PHF24: variants seen among roughly 807,000 people sequenced by gnomAD.
The protein encoded by PHF24 is PHD finger protein 24.
PHF24 carries 25 observed loss-of-function variants against 42.6 expected under a neutral mutation model. The ratio of observed to expected loss-of-function variants is 0.59; its 90% CI spans 0.43 to 0.82. PHF24 has a LOEUF of 0.82. PHF24 is among the 40% of genes least tolerant of loss of function. The pLI is 0.00. For missense variants in PHF24, 470 were observed against 538.1 expected, an observed-to-expected ratio of 0.87 and a Z score of 1.25; for synonymous variants, 185 against 204.8, an observed-to-expected ratio of 0.90 and a Z score of 0.83.
At chr9:34,859,027 A>C in the PHF24 span, among the ~76,000 whole-genome samples, 2 of 152,152 alleles carry the variant, frequency 1.3e-5, no homozygotes, top group African/African-American at 4.8e-5. Context: ...TAAAAGTTGA[A>C]GGTTTCTAAG....
At chr9:34,706,343 A>G in the PHF24 span, among the ~76,000 whole-genome samples, 2 of 152,218 alleles carry the variant, frequency 1.3e-5, no homozygotes, top group Non-Finnish European at 2.9e-5. Flanking sequence ...TCATCTGGTA[A>G]TGTTTAAAAT....
At chr9:34,948,418 C>T in the PHF24 span, among the ~76,000 whole-genome samples, 1 of 152,300 alleles carries the variant, frequency 6.6e-6, no homozygotes, top group South Asian at 2.1e-4. Flanking sequence ...CTCACTGACA[C>T]CCAGAGCAAT....
the PHF24 span, among the ~76,000 whole-genome samples, chr9:34,781,356 AATATTATATG>A: frequency 6.6e-6 from 1 of 152,232 alleles, no homozygotes; most frequent in Non-Finnish European, 1.5e-5. Flanking sequence ...AAAAAGGACA[AATATTATATG>A]ATTTCATTTG....
At chr9:34,876,031 G>A in the PHF24 span, among the ~76,000 whole-genome samples, 1 of 148,462 alleles carries the variant, frequency 6.7e-6, no homozygotes, top group East Asian at 2.0e-4. Flanking sequence ...TAGGTCCATG[G>A]ACTTTTAAAA....
the PHF24 span, chr9:34,895,746 C>G: frequency 1.2e-5 from 5 of 402,730 alleles, no homozygotes; most frequent in Non-Finnish European, 2.2e-5. Flanking sequence ...CTAGCCATCC[C>G]TCTCCCTAGT....
chr9:34,836,651 G>A, the PHF24 span, among the ~76,000 whole-genome samples: 2 of 152,146 alleles, frequency 1.3e-5, no homozygotes, highest in East Asian at 3.8e-4. Flanking sequence ...CTTGAATACA[G>A]AACTAAAGGA....
At chr9:34,870,963 C>A in the PHF24 span, among the ~76,000 whole-genome samples, 2 of 152,124 alleles carry the variant, frequency 1.3e-5, no homozygotes, top group South Asian at 4.1e-4. Flanking sequence ...TGGATAAATA[C>A]AAAGAAGCTC....
chr9:34,903,651 C>A, the PHF24 span, among the ~76,000 whole-genome samples: 1 of 152,264 alleles, frequency 6.6e-6, no homozygotes, highest in Non-Finnish European at 1.5e-5. Flanking sequence ...CCAGTGTCAT[C>A]CTGGTACACA....
the PHF24 span, among the ~76,000 whole-genome samples, chr9:34,899,924 C>A: frequency 3.3e-5 from 5 of 152,152 alleles, no homozygotes; most frequent in Non-Finnish European, 7.3e-5. Flanking sequence ...ATCGGAATCT[C>A]TAGATGCAGA....
the PHF24 span, among the ~76,000 whole-genome samples, chr9:34,887,086 T>C: frequency 6.6e-6 from 1 of 152,170 alleles, no homozygotes; most frequent in Non-Finnish European, 1.5e-5. Flanking sequence ...TCCTGCCAGT[T>C]GTTCAGGGCA....
At chr9:34,668,453 A>G in the PHF24 span, among the ~76,000 whole-genome samples, 1 of 152,190 alleles carries the variant, frequency 6.6e-6, no homozygotes, top group Non-Finnish European at 1.5e-5. Flanking sequence ...GAATACACAC[A>G]ATGCACAGGT....
At chr9:34,914,482 C>A in the PHF24 span, among the ~76,000 whole-genome samples, 21 of 152,058 alleles carry the variant, frequency 1.4e-4, no homozygotes, top group East Asian at 4.1e-3. Flanking sequence ...GATTTTCGTC[C>A]TTTGGTCTCT....
At chr9:34,919,708 A>ACACACACACACACACACACACG in the PHF24 span, among the ~76,000 whole-genome samples, 1 of 151,994 alleles carries the variant, frequency 6.6e-6, no homozygotes, top group African/African-American at 2.4e-5. Context: ...ACACACACAC[A>ACACACACACACACACACACACG]CATCCCAACC....
At chr9:34,690,247 G>A in the PHF24 span, 1 of 1,614,182 alleles carries the variant, frequency 6.2e-7, no homozygotes, top group Non-Finnish European at 8.5e-7. Context: ...TTGATGAGAA[G>A]GTAGTGGAAG....
the PHF24 span, among the ~76,000 whole-genome samples, chr9:34,875,938 A>ACTCT: frequency 4.7e-4 from 42 of 88,526 alleles, no homozygotes; most frequent in African/African-American, 8.0e-4. Flanking sequence ...ACACACACAC[A>ACTCT]CACACACACA....
the PHF24 span, among the ~76,000 whole-genome samples, chr9:34,781,397 C>A: frequency 6.6e-6 from 1 of 152,086 alleles, no homozygotes; most frequent in Non-Finnish European, 1.5e-5. Flanking sequence ...CTGTAATAGG[C>A]AAATTCATAG....
At chr9:34,682,150 ATTTTTTTTTT>A in the PHF24 span, among the ~76,000 whole-genome samples, 2 of 93,098 alleles carry the variant, frequency 2.1e-5, no homozygotes, top group Admixed American at 1.2e-4. Context: ...AATTATTTCT[ATTTTTTTTTT>A]TTTTTTTTTT....
chr9:34,966,948 G>T (rs765026970), intron 1 of PHF24, among the ~76,000 whole-genome samples: 1 of 151,922 alleles, frequency 6.6e-6, no homozygotes, highest in Non-Finnish European at 1.5e-5. Context: ...TGCTATGTTG[G>T]CCAGGCTGGT....
At chr9:34,870,603 A>C in the PHF24 span, among the ~76,000 whole-genome samples, 1 of 145,928 alleles carries the variant, frequency 6.9e-6, no homozygotes, top group African/African-American at 2.5e-5. Flanking sequence ...ACAGGGTCTC[A>C]TCCACCCAGG....
Sources: gnomAD v4.1 joint callset for allele counts (sites outside exome capture counted in the v4.1 genomes callset) on GRCh38, gnomAD v4.1.1 for gene constraint, MANE v1.5 for transcripts, NCBI Gene and HGNC (gene_info 2026-07-23, HGNC 2026-07-21) for gene names.